Variants in MINDY4 observed in about 807,000 individuals in gnomAD.
MINDY4 encodes probable ubiquitin carboxyl-terminal hydrolase MINDY-4.
In MINDY4, 68 loss-of-function variants were observed where a neutral mutation model predicts 87.0. The observed-to-expected ratio is 0.78, with a 90% CI of 0.64 to 0.96. The LOEUF is 0.96. Ranked by LOEUF, MINDY4 falls within the 40% of genes least tolerant of loss-of-function variation. MINDY4 has a pLI of 0.00. For missense variants in MINDY4, 919 were observed against 928.2 expected (o/e 0.99, Z 0.13); for synonymous variants, 379 against 363.2 (o/e 1.04, Z -0.50).
chr7:30,829,773 T>G (rs1310852957), intron 6 of MINDY4, among the ~76,000 whole-genome samples: 1 of 152,112 alleles, frequency 6.6e-6, no homozygotes, highest in East Asian at 1.9e-4. Flanking sequence ...TCCAAACCCT[T>G]TTTGTGCACC....
chr7:30,801,128 T>C (rs1391818897), intron 5 of MINDY4, among the ~76,000 whole-genome samples: 1 of 152,068 alleles, frequency 6.6e-6, no homozygotes, highest in Non-Finnish European at 1.5e-5. Flanking sequence ...TGAGGGGGAA[T>C]GAATTGTGCC....
At chr7:30,871,356 C>G (rs1289449582) in intron 13 of MINDY4, among the ~76,000 whole-genome samples, 1 of 152,212 alleles carries the variant, frequency 6.6e-6, no homozygotes, top group Non-Finnish European at 1.5e-5. Flanking sequence ...TTACAGGGCT[C>G]TGTTCAACAG....
chr7:30,891,329 C>T (rs1479714208), intron 17 of MINDY4, among the ~76,000 whole-genome samples: 1 of 152,196 alleles, frequency 6.6e-6, no homozygotes, highest in Non-Finnish European at 1.5e-5. Context: ...AGTAACTTTT[C>T]GTTTTGCAAC....
chr7:30,871,168 G>GA (rs1228313557), intron 13 of MINDY4, among the ~76,000 whole-genome samples: 3 of 152,206 alleles, frequency 2.0e-5, no homozygotes, highest in African/African-American at 7.2e-5. Flanking sequence ...AAGTGGGGGG[G>GA]ACAGACCTGG....
Position 30,838,310 on chromosome 7 carries a change from T to A in MINDY4, c.1240-890T>A, listed in dbSNP as rs553677655. On this transcript the variant is annotated intron_variant, in intron 7 of 17. Coordinates refer to ENST00000265299, the MANE Select transcript of MINDY4 (RefSeq NM_032222.3). ...TCTGGAGAAGACAGCCGTGAGAAAGTAGAGGGGCTGCCTTGAGAGGTGGTG... is the reference window on the plus strand; with the variant it reads ...TCTGGAGAAGACAGCCGTGAGAAAGAAGAGGGGCTGCCTTGAGAGGTGGTG... 3.9e-3 allele frequency among the ~76,000 whole-genome samples: 587 copies of A among 152,048 alleles called. 3 individuals carry two copies. Among genetic ancestry groups the A allele is most frequent in the African/African-American group, 0.014 (567 of 41,450 alleles).
At chr7:30,825,201 T>C (rs1411220565) in intron 5 of MINDY4, among the ~76,000 whole-genome samples, 1 of 152,272 alleles carries the variant, frequency 6.6e-6, no homozygotes, top group Non-Finnish European at 1.5e-5. Context: ...AAGAACATGC[T>C]TTTAAACTGA....
intron 13 of MINDY4, among the ~76,000 whole-genome samples, chr7:30,862,662 T>C (rs889793497): frequency 2.6e-5 from 4 of 152,318 alleles, no homozygotes; most frequent in East Asian, 3.9e-4. Context: ...GTCACCCACC[T>C]CAGGCTCCAT....
At chr7:30,825,704 A>G (rs899098914) in intron 5 of MINDY4, among the ~76,000 whole-genome samples, 19 of 152,244 alleles carry the variant, frequency 1.2e-4, no homozygotes, top group African/African-American at 4.6e-4. Context: ...GCACCCATTT[A>G]TGGAGCACTG....
rs1210428816 is a variant in MINDY4, at chr7:30,892,024, C to A, written c.*19C>A. On this transcript the variant is annotated 3_prime_UTR_variant, in exon 18 of 18. Coordinates refer to ENST00000265299, the MANE Select transcript of MINDY4 (RefSeq NM_032222.3). ...CCTGTGACCGTTGGATGTGGGTAAA[C>A]CCTGTGGTCCACCACTCATCACCTC... The A allele has an allele frequency of 6.2e-7, 1 of 1,613,814 alleles. No individual in the cohort carries two copies. The highest frequency in any genetic ancestry group is 1.7e-5 in the Admixed American group (1 of 60,030).
intron 14 of MINDY4, among the ~76,000 whole-genome samples, chr7:30,875,165 C>G (rs1362307849): frequency 2.6e-5 from 4 of 152,160 alleles, no homozygotes; most frequent in Non-Finnish European, 5.9e-5. Context: ...AGTCTAGACC[C>G]AAAGCACATG....
At chr7:30,855,352 G>A (rs975364916) in intron 12 of MINDY4, among the ~76,000 whole-genome samples, 2 of 152,252 alleles carry the variant, frequency 1.3e-5, no homozygotes, top group Non-Finnish European at 2.9e-5. Context: ...GAGACCTGCT[G>A]TTGATCCGGA....
At chr7:30,872,865 G>A (rs893197593) in intron 14 of MINDY4, among the ~76,000 whole-genome samples, 1 of 151,934 alleles carries the variant, frequency 6.6e-6, no homozygotes, top group Non-Finnish European at 1.5e-5. Context: ...ATGTTACCTA[G>A]TGAGCATCAA....
chr7:30,876,066 G>C (rs1790248681), intron 15 of MINDY4, among the ~76,000 whole-genome samples: 1 of 152,110 alleles, frequency 6.6e-6, no homozygotes. Flanking sequence ...AAACTTAACT[G>C]TCTCACAGTT....
At chr7:30,872,360 A>T in intron 14 of MINDY4, 54 bp downstream of exon 14, 1 of 1,500,918 alleles carries the variant, frequency 6.7e-7, no homozygotes, top group South Asian at 1.1e-5. Context: ...TGTCCCTCAG[A>T]GAGGGAGAGG....
At chr7:30,775,793 G>A (rs954551820) in intron 1 of MINDY4, among the ~76,000 whole-genome samples, 4 of 152,206 alleles carry the variant, frequency 2.6e-5, no homozygotes, top group Admixed American at 1.3e-4. Flanking sequence ...CCAGGAACCT[G>A]GGACACAGAA....
At chr7:30,796,463 A>G (rs1045844624) in intron 5 of MINDY4, among the ~76,000 whole-genome samples, 7 of 152,214 alleles carry the variant, frequency 4.6e-5, no homozygotes, top group African/African-American at 1.7e-4. Context: ...AGTATGATAT[A>G]GTCCATGCAA....
At chr7:30,834,516 A>G (rs1166399265) in intron 6 of MINDY4, among the ~76,000 whole-genome samples, 1 of 152,236 alleles carries the variant, frequency 6.6e-6, no homozygotes, top group Non-Finnish European at 1.5e-5. Flanking sequence ...AGGGCGTGCC[A>G]TGAAGACCTC....
chr7:30,881,951 G>A (rs1311687080), intron 15 of MINDY4, among the ~76,000 whole-genome samples: 2 of 152,148 alleles, frequency 1.3e-5, no homozygotes, highest in African/African-American at 4.8e-5. Context: ...CGGGTCTCAG[G>A]TCTGTATGGC....
chr7:30,840,813 C>G lies in MINDY4; in HGVS notation c.1410C>G (p.Leu470=). Residue 470 remains leucine (L), a synonymous_variant, in exon 9 of 18, where the codon CTC becomes CTG. Transcript: ENST00000265299. Reference sequence around the variant, plus strand: ...TCCAAGGCTGTGTCCTACAGAAACTCCTGTTTGAAGGAGATAGCAAAGCCG... The same window carrying G: ...TCCAAGGCTGTGTCCTACAGAAACTGCTGTTTGAAGGAGATAGCAAAGCCG... ...AAVQGCVLQK[L]LFEGDSKADC... 1 of 1,614,152 alleles carries G rather than the reference C, an allele frequency of 6.2e-7. No homozygotes were observed.
Sources: gnomAD v4.1 joint callset for allele counts (sites outside exome capture counted in the v4.1 genomes callset) on GRCh38, gnomAD v4.1.1 for gene constraint, MANE v1.5 for transcripts, NCBI Gene and HGNC (gene_info 2026-07-23, HGNC 2026-07-21) for gene names.